RANBP2: variants seen among roughly 807,000 people sequenced by gnomAD.
RANBP2 encodes E3 SUMO-protein ligase RanBP2.
RANBP2 carries 57 observed loss-of-function variants against 303.6 expected under a neutral mutation model. The observed-to-expected ratio is 0.19, with a 90% CI of 0.15 to 0.23. The LOEUF is 0.23. Among genes scored for constraint, RANBP2 ranks in the 10% least tolerant of loss-of-function variants. The pLI, the probability that RANBP2 is intolerant of heterozygous loss-of-function variation, is 1.00. For synonymous variants in RANBP2, 1,167 were observed against 1,301.5 expected (o/e 0.90, Z 2.23); for missense variants, 3,138 against 3,780.8 (o/e 0.83, Z 4.46).
chr2:109,352,776 C>G, the RANBP2 span, among the ~76,000 whole-genome samples: 1 of 152,226 alleles, frequency 6.6e-6, no homozygotes, highest in South Asian at 2.1e-4. Context: ...GAAGGAGGCT[C>G]AACTCGCAGG....
chr2:109,731,211 G>A, the RANBP2 span, among the ~76,000 whole-genome samples: 1 of 152,220 alleles, frequency 6.6e-6, no homozygotes, highest in South Asian at 2.1e-4. Context: ...GACACATTCA[G>A]TTTATTTGCA....
the RANBP2 span, among the ~76,000 whole-genome samples, chr2:108,898,974 GGAGAGGAGAA>G: frequency 6.6e-6 from 1 of 152,142 alleles, no homozygotes; most frequent in South Asian, 2.1e-4. Context: ...AGTTTCAGAA[GGAGAGGAGAA>G]GAGAGTGGGA....
At chr2:108,868,042 G>A in the RANBP2 span, among the ~76,000 whole-genome samples, 8 of 152,140 alleles carry the variant, frequency 5.3e-5, no homozygotes, top group African/African-American at 1.2e-4. Context: ...GTCAGTTATC[G>A]ACAGGCTGAT....
the RANBP2 span, among the ~76,000 whole-genome samples, chr2:108,913,336 A>C: frequency 3.9e-5 from 6 of 152,122 alleles, no homozygotes; most frequent in Non-Finnish European, 8.8e-5. Flanking sequence ...AGCCTCACCA[A>C]CTCAATTTTC....
chr2:109,082,825 C>CTTTTTT, the RANBP2 span, among the ~76,000 whole-genome samples: 2 of 123,792 alleles, frequency 1.6e-5, no homozygotes, highest in Non-Finnish European at 3.4e-5. Context: ...GACCCCATGT[C>CTTTTTT]TTTTTTTTTT....
chr2:109,394,183 G>T, the RANBP2 span, among the ~76,000 whole-genome samples: 1 of 152,232 alleles, frequency 6.6e-6, no homozygotes, highest in Non-Finnish European at 1.5e-5. Flanking sequence ...CAGTTCTGTG[G>T]TTGGAAAGTG....
At chr2:108,742,681 T>TTA (rs1696209481) in intron 7 of RANBP2, among the ~76,000 whole-genome samples, 1 of 152,210 alleles carries the variant, frequency 6.6e-6, no homozygotes, top group Admixed American at 6.5e-5. Context: ...AACTTCTGTG[T>TTA]TCATAAGGAA....
chr2:109,501,393 G>T, the RANBP2 span: 1 of 566,836 alleles, frequency 1.8e-6, no homozygotes, highest in South Asian at 2.5e-5. Context: ...TGTATAAAGT[G>T]GGAAAATAGC....
chr2:109,734,620 T>C, the RANBP2 span, among the ~76,000 whole-genome samples: 100 of 152,202 alleles, frequency 6.6e-4, 2 homozygotes, highest in South Asian at 0.019. Context: ...CTTTTTTTTT[T>C]CCCACAAATG....
chr2:108,727,898 C>T (rs577480109), intron 1 of RANBP2, among the ~76,000 whole-genome samples: 2 of 152,172 alleles, frequency 1.3e-5, no homozygotes, highest in South Asian at 4.1e-4. Flanking sequence ...CCACCGCACC[C>T]AGCCTGGTGT....
the RANBP2 span, among the ~76,000 whole-genome samples, chr2:109,326,926 G>T: frequency 4.6e-5 from 7 of 152,188 alleles, no homozygotes; most frequent in Admixed American, 4.6e-4. Context: ...TCTACCATTC[G>T]GTTCCAGTTC....
At chr2:109,675,685 A>G in the RANBP2 span, among the ~76,000 whole-genome samples, 1 of 152,184 alleles carries the variant, frequency 6.6e-6, no homozygotes. Context: ...TCTGTCTCAA[A>G]AAATAAGAAA....
chr2:109,225,466 G>A, the RANBP2 span, among the ~76,000 whole-genome samples: 1 of 152,330 alleles, frequency 6.6e-6, no homozygotes, highest in Non-Finnish European at 1.5e-5. Flanking sequence ...ATACAGGCCA[G>A]GCCGACTCCC....
chr2:108,747,046 A>G lies in RANBP2; in HGVS notation c.1063+248A>G, dbSNP rs558939775. ...TTAACTCTTTCTTTATCTGGCTGCTAGAGCCTCTATCCTGAATATTTAGTC... is the reference window on the plus strand; with the variant it reads ...TTAACTCTTTCTTTATCTGGCTGCTGGAGCCTCTATCCTGAATATTTAGTC... On this transcript the variant is annotated intron_variant, in intron 8 of 28. Coordinates refer to ENST00000283195, the MANE Select transcript of RANBP2 (RefSeq NM_006267.5). 3.0e-4 allele frequency among the ~76,000 whole-genome samples: 46 copies of G among 152,332 alleles called. 1 individual carries two copies. The highest frequency in any genetic ancestry group is 1.0e-3 in the African/African-American group (42 of 41,588).
At chr2:109,636,310 T>C in the RANBP2 span, among the ~76,000 whole-genome samples, 4 of 150,606 alleles carry the variant, frequency 2.7e-5, no homozygotes, top group South Asian at 4.2e-4. Context: ...CATACCAAGA[T>C]TTTTTTTTTC....
At chr2:109,572,520 G>A in the RANBP2 span, among the ~76,000 whole-genome samples, 1 of 151,998 alleles carries the variant, frequency 6.6e-6, no homozygotes, top group Non-Finnish European at 1.5e-5. Context: ...GCAGAATCCA[G>A]GCAGTTCAGC....
chr2:109,555,815 C>G, the RANBP2 span, among the ~76,000 whole-genome samples: 3 of 152,188 alleles, frequency 2.0e-5, no homozygotes, highest in African/African-American at 7.2e-5. Flanking sequence ...GCAGGACGCT[C>G]TCTTCTTCTT....
At chr2:109,607,566 A>G in the RANBP2 span, among the ~76,000 whole-genome samples, 316 of 152,324 alleles carry the variant, frequency 2.1e-3, no homozygotes, top group Non-Finnish European at 3.6e-3. Flanking sequence ...TTAGTACTGG[A>G]TTCCTCCCAT....
At chr2:109,778,183 A>G in the RANBP2 span, among the ~76,000 whole-genome samples, 1 of 139,412 alleles carries the variant, frequency 7.2e-6, no homozygotes, top group African/African-American at 2.7e-5. Context: ...ATCTGCCTCT[A>G]TAGAATCCCT....
Sources: allele counts gnomAD v4.1 joint callset (sites outside exome capture counted in the v4.1 genomes callset), GRCh38; gene constraint gnomAD v4.1.1; transcripts MANE v1.5; gene names NCBI Gene and HGNC (gene_info 2026-07-23, HGNC 2026-07-21).